Variants in AP2A2 observed in about 807,000 individuals in gnomAD.
AP2A2 encodes the protein AP-2 complex subunit alpha-2.
AP2A2 carries 32 observed loss-of-function variants against 104.2 expected under a neutral mutation model. The ratio of observed to expected loss-of-function variants is 0.31; its 90% CI spans 0.23 to 0.41. The LOEUF is 0.41. Ranked by LOEUF, AP2A2 falls within the 10% of genes least tolerant of loss-of-function variation. AP2A2 has a pLI of 1.00. For missense variants in AP2A2, 912 were observed against 1,261.0 expected (o/e 0.72, Z 4.19); for synonymous variants, 539 against 533.3 (o/e 1.01, Z -0.15).
chr11:952,623 C>T (rs561066505), intron 1 of AP2A2, among the ~76,000 whole-genome samples: 132 of 152,254 alleles, frequency 8.7e-4, no homozygotes, highest in Non-Finnish European at 1.7e-3. Flanking sequence ...AGGAATAGTG[C>T]AGGATGACTG....
At chr11:986,645 C>G (rs1452510059) in intron 8 of AP2A2, 140 bp from the exon 9 acceptor site, 13 of 1,063,102 alleles carry the variant, frequency 1.2e-5, no homozygotes, top group Non-Finnish European at 1.6e-5. Flanking sequence ...CCCCCGAGTT[C>G]CCACTTGAGC....
chr11:995,302 A>G (rs1855813928), intron 14 of AP2A2: 2 of 455,804 alleles, frequency 4.4e-6, no homozygotes, highest in Non-Finnish European at 8.8e-6. Context: ...CGATGAGAAT[A>G]ATCCTGTAAC....
intron 5 of AP2A2, among the ~76,000 whole-genome samples, chr11:978,688 T>C (rs1366741342): frequency 1.3e-5 from 2 of 152,162 alleles, no homozygotes; most frequent in Non-Finnish European, 2.9e-5. Context: ...GTCAAATGCC[T>C]TCCACCTCTG....
intron 1 of AP2A2, chr11:957,059 C>T (rs1361510732): frequency 1.3e-5 from 2 of 152,236 alleles, no homozygotes; most frequent in Non-Finnish European, 2.9e-5. Context: ...AGGTTGTGAC[C>T]TGTGCTTGTG....
chr11:973,233 C>A (rs1193452233), intron 4 of AP2A2, among the ~76,000 whole-genome samples: 1 of 152,212 alleles, frequency 6.6e-6, no homozygotes, highest in Non-Finnish European at 1.5e-5. Context: ...TCAACTGGGC[C>A]ACATTGGCTT....
Position 985,615 on chromosome 11 carries a change from C to T in AP2A2, c.962+33C>T, listed in dbSNP as rs535275915. On this transcript the variant is annotated intron_variant, in intron 8 of 21. Coordinates refer to ENST00000448903, the MANE Select transcript of AP2A2 (RefSeq NM_012305.4). ...GGCTGCCTGTGGAGAGGCTTCGTCT[C>T]GCGCACACACACACGTTCCTTCTCG... The T allele has an allele frequency of 2.7e-5, 44 of 1,612,608 alleles. No homozygotes were observed. The South Asian group carries it at 3.4e-4, about 12-fold the overall frequency.
intron 4 of AP2A2, among the ~76,000 whole-genome samples, chr11:974,370 C>T (rs894978969): frequency 2.0e-5 from 3 of 152,178 alleles, no homozygotes; most frequent in Non-Finnish European, 4.4e-5. Context: ...TGAAATCCAG[C>T]TAAGTAGTAG....
chr11:959,368 C>G (rs1190260756), intron 1 of AP2A2, 69 bp from the exon 2 acceptor site: 11 of 1,096,692 alleles, frequency 1.0e-5, no homozygotes, highest in Non-Finnish European at 1.5e-5. Context: ...GAGTGTCAGT[C>G]TTATCAGGGA....
intron 10 of AP2A2, among the ~76,000 whole-genome samples, chr11:991,469 G>A (rs754089694): frequency 6.6e-6 from 1 of 152,148 alleles, no homozygotes; most frequent in Non-Finnish European, 1.5e-5. Flanking sequence ...CTACTGGGAG[G>A]GCAGAGCATC....
At chr11:944,100 G>A (rs1372963602) in intron 1 of AP2A2, among the ~76,000 whole-genome samples, 1 of 152,234 alleles carries the variant, frequency 6.6e-6, no homozygotes, top group Non-Finnish European at 1.5e-5. Context: ...CAGCGGAGAT[G>A]GCCGGAATAG....
At position 1,009,828 on chromosome 11, in the gene AP2A2, C is replaced by G. The variant is rs1835647550; in HGVS notation, c.2742+11C>G. ...AACCTGCAAGCCCAGGTCAGGCCCT[C>G]AGGAAATGGTGGAACACACTTGAGT... On this transcript the variant is annotated intron_variant, in intron 21 of 21. Transcript: ENST00000448903. 1 of 1,537,750 alleles carries G rather than the reference C, an allele frequency of 6.5e-7. No individual in the cohort carries two copies. Among genetic ancestry groups the G allele is most frequent in the Non-Finnish European group, 8.8e-7 (1 of 1,135,750 alleles).
chr11:954,514 G>A (rs770753616), intron 1 of AP2A2, among the ~76,000 whole-genome samples: 2 of 152,008 alleles, frequency 1.3e-5, no homozygotes, highest in Non-Finnish European at 2.9e-5. Flanking sequence ...GTTTGTGTAC[G>A]TGTGTATTTC....
Position 925,998 on chromosome 11 carries a change from G to A in AP2A2, c.-24G>A. 7.2e-7 allele frequency: 1 copy of A among 1,397,000 alleles called. No individual in the cohort carries two copies. The highest frequency in any genetic ancestry group is 9.4e-7 in the Non-Finnish European group (1 of 1,061,488). The allele number at this position is 1,397,000 out of a possible 1,614,324, so 86.5% of individuals were successfully genotyped here. A position where few individuals can be genotyped will look rare whatever the true frequency, so the allele number is the denominator to read the frequency against. ...GCTCCTCCGCCCGGGTCCGCCAGCCGAGGCCGCTCCCGAGCGTCGGAAGAT... is the reference window on the plus strand; with the variant it reads ...GCTCCTCCGCCCGGGTCCGCCAGCCAAGGCCGCTCCCGAGCGTCGGAAGAT... On this transcript the variant is annotated 5_prime_UTR_variant, in exon 1 of 22. Transcript: ENST00000448903.
intron 5 of AP2A2, among the ~76,000 whole-genome samples, chr11:979,904 A>G (rs1855184137): frequency 6.6e-6 from 1 of 152,220 alleles, no homozygotes; most frequent in Admixed American, 6.5e-5. Flanking sequence ...ACATCTTCAG[A>G]GTGAATAGGT....
intron 14 of AP2A2, among the ~76,000 whole-genome samples, chr11:998,083 G>T (rs1439057537): frequency 6.6e-6 from 1 of 152,262 alleles, no homozygotes; most frequent in African/African-American, 2.4e-5. Context: ...GGCTGTGGAG[G>T]CCACAGTGTT....
At chr11:927,157 C>T (rs2134440919) in intron 1 of AP2A2, among the ~76,000 whole-genome samples, 1 of 152,282 alleles carries the variant, frequency 6.6e-6, no homozygotes, top group Non-Finnish European at 1.5e-5. Context: ...CCTCCCACCT[C>T]AAGTGATCCT....
At chr11:931,004 G>A (rs1479740052) in intron 1 of AP2A2, among the ~76,000 whole-genome samples, 1 of 152,138 alleles carries the variant, frequency 6.6e-6, no homozygotes, top group African/African-American at 2.4e-5. Context: ...CCTCAGTCAA[G>A]ATACAGAACT....
Position 1,010,869 on chromosome 11 carries a change from TA to T in AP2A2, c.*249del. The T allele has an allele frequency of 1.6e-6, 1 of 631,410 alleles. No homozygotes were observed. Among genetic ancestry groups the T allele is most frequent in the South Asian group, 1.9e-5 (1 of 53,798 alleles). 39.1% of individuals were successfully genotyped at this position (631,410 alleles called of 1,614,324 possible). A position where few individuals can be genotyped will look rare whatever the true frequency, so the allele number is the denominator to read the frequency against. On this transcript the variant is annotated 3_prime_UTR_variant, in exon 22 of 22. Transcript: ENST00000448903. The stretch of plus-strand genomic sequence containing the variant: ...AGGTGGATCTTGGGATCAATTTTTA[TA>T]AAAATCGAGACAGTTCTGTGGTTAA...
intron 2 of AP2A2, among the ~76,000 whole-genome samples, chr11:963,985 A>G (rs891975611): frequency 4.6e-5 from 7 of 152,218 alleles, no homozygotes; most frequent in Admixed American, 3.9e-4. Context: ...ACCGAAGTGC[A>G]TAGAGTGGCC....
Sources: allele counts gnomAD v4.1 joint callset (sites outside exome capture counted in the v4.1 genomes callset), GRCh38; gene constraint gnomAD v4.1.1; transcripts MANE v1.5; gene names NCBI Gene and HGNC (gene_info 2026-07-23, HGNC 2026-07-21).